DEPTOR: variants seen among roughly 807,000 people sequenced by gnomAD.
DEPTOR encodes DEP domain-containing mTOR-interacting protein.
DEPTOR carries 41 observed loss-of-function variants against 41.6 expected under a neutral mutation model. The observed-to-expected ratio is 0.98, with a 90% CI of 0.77 to 1.28. The LOEUF (loss-of-function observed/expected upper bound fraction) is 1.28, where lower values mean the gene tolerates loss of function less well. DEPTOR is among the 50% of genes most tolerant of loss of function. The pLI is 0.00. For missense variants in DEPTOR, 514 were observed against 527.9 expected (o/e 0.97, Z 0.26); for synonymous variants, 195 against 192.3 (o/e 1.01, Z -0.12).
At chr8:120,017,758 C>T (rs1464239606) in intron 8 of DEPTOR, among the ~76,000 whole-genome samples, 1 of 152,158 alleles carries the variant, frequency 6.6e-6, no homozygotes, top group African/African-American at 2.4e-5. Context: ...GATATCCTTG[C>T]TCTTTTCTGG....
chr8:119,916,266 AT>A (rs71304925), intron 1 of DEPTOR, among the ~76,000 whole-genome samples: 1,744 of 122,770 alleles, frequency 0.014, 48 homozygotes, highest in Middle Eastern at 0.033. Context: ...GGCTAGGCTA[AT>A]TTTTTTTTTT....
intron 1 of DEPTOR, among the ~76,000 whole-genome samples, chr8:119,901,757 A>G (rs541436240): frequency 7.9e-5 from 12 of 152,120 alleles, no homozygotes; most frequent in Middle Eastern, 6.8e-3. Context: ...GATGGCTCCA[A>G]TGCTTTCTGA....
intron 3 of DEPTOR, among the ~76,000 whole-genome samples, chr8:119,948,556 A>G (rs1235414035): frequency 6.6e-6 from 1 of 152,132 alleles, no homozygotes; most frequent in Non-Finnish European, 1.5e-5. Flanking sequence ...CAATTCGCCT[A>G]TTTAAAGCAT....
At chr8:120,048,823 G>A (rs1813190670) in intron 8 of DEPTOR, among the ~76,000 whole-genome samples, 1 of 152,024 alleles carries the variant, frequency 6.6e-6, no homozygotes, top group Non-Finnish European at 1.5e-5. Flanking sequence ...TACAAGTGAG[G>A]CATTTATATC....
intron 4 of DEPTOR, among the ~76,000 whole-genome samples, chr8:119,999,961 C>T (rs989206265): frequency 1.3e-5 from 2 of 152,158 alleles, no homozygotes; most frequent in African/African-American, 4.8e-5. Context: ...CTCACACACA[C>T]AAATCAGTGC....
intron 4 of DEPTOR, among the ~76,000 whole-genome samples, chr8:119,996,794 G>T (rs1812267125): frequency 6.6e-6 from 1 of 152,108 alleles, no homozygotes; most frequent in South Asian, 2.1e-4. Flanking sequence ...AAAACAGTAG[G>T]TCTTAATAAA....
At position 120,002,795 on chromosome 8, in the gene DEPTOR, T is replaced by A. The variant is rs377579029; in HGVS notation, c.791-182T>A. Among the ~76,000 whole-genome samples, 256 of 99,496 alleles carry A rather than the reference T, an allele frequency of 2.6e-3. 4 individuals carry two copies. Among genetic ancestry groups the A allele is most frequent in the African/African-American group, 7.1e-3 (174 of 24,468 alleles). The allele number at this position is 99,496 out of a possible 152,430, so 65.3% of individuals were successfully genotyped here. ...CCATCTCAAAAAAAAAAAAAAAATATATATATATATATATATAATATAAAG... is the reference window on the plus strand; with the variant it reads ...CCATCTCAAAAAAAAAAAAAAAATAAATATATATATATATATAATATAAAG... On this transcript the variant is annotated intron_variant, in intron 5 of 8. Coordinates refer to ENST00000286234, the MANE Select transcript of DEPTOR (RefSeq NM_022783.4).
At chr8:120,007,767 T>C (rs1402964457) in intron 7 of DEPTOR, among the ~76,000 whole-genome samples, 1 of 152,200 alleles carries the variant, frequency 6.6e-6, no homozygotes, top group Non-Finnish European at 1.5e-5. Flanking sequence ...ACAACATGTC[T>C]GTACCAGAGG....
At position 119,974,235 on chromosome 8, in the gene DEPTOR, TAAAAA is replaced by T. The variant is rs35885551; in HGVS notation, c.604+8849_604+8853del. On this transcript the variant is annotated intron_variant, in intron 4 of 8. Coordinates refer to ENST00000286234, the MANE Select transcript of DEPTOR (RefSeq NM_022783.4). The stretch of plus-strand genomic sequence containing the variant: ...GAAACATAGTGAGATCTTGTCTCTT[TAAAAA>T]AAAAAAAAAAAAAAAAAAAAAAAGA... Among the ~76,000 whole-genome samples, 189 of 74,906 alleles carry T rather than the reference TAAAAA, an allele frequency of 2.5e-3. 2 individuals are homozygous for T. Among genetic ancestry groups the T allele is most frequent in the African/African-American group, 8.0e-3 (172 of 21,414 alleles). The allele number at this position is 74,906 out of a possible 152,430, so 49.1% of individuals were successfully genotyped here.
chr8:119,995,350 G>T (rs989760828), intron 4 of DEPTOR, among the ~76,000 whole-genome samples: 2 of 152,126 alleles, frequency 1.3e-5, no homozygotes, highest in Non-Finnish European at 2.9e-5. Flanking sequence ...ACTTTGGGAG[G>T]CAAGGCGAGT....
At chr8:120,043,868 T>C (rs970963518) in intron 8 of DEPTOR, among the ~76,000 whole-genome samples, 4 of 151,666 alleles carry the variant, frequency 2.6e-5, no homozygotes, top group African/African-American at 9.7e-5. Context: ...AAAAATTAGC[T>C]GGGCGTGGTG....
At chr8:120,032,211 C>CTT (rs60003356) in intron 8 of DEPTOR, among the ~76,000 whole-genome samples, 223 of 120,832 alleles carry the variant, frequency 1.8e-3, no homozygotes, top group East Asian at 2.8e-3. Context: ...CACTAACTTT[C>CTT]TTTTTTTTTT....
chr8:119,997,324 T>A (rs1184044139), intron 4 of DEPTOR, among the ~76,000 whole-genome samples: 1 of 152,032 alleles, frequency 6.6e-6, no homozygotes, highest in Non-Finnish European at 1.5e-5. Context: ...AGCCTCAACC[T>A]CCTGGGATCA....
chr8:119,877,981 G>C (rs1470294302), intron 1 of DEPTOR, among the ~76,000 whole-genome samples: 1 of 152,112 alleles, frequency 6.6e-6, no homozygotes, highest in East Asian at 1.9e-4. Flanking sequence ...GCCCAGGCTG[G>C]AGTGCAATGG....
At chr8:119,923,167 T>C (rs1827917892) in intron 1 of DEPTOR, among the ~76,000 whole-genome samples, 1 of 152,198 alleles carries the variant, frequency 6.6e-6, no homozygotes, top group Non-Finnish European at 1.5e-5. Context: ...TGAGGTAATA[T>C]TATAAATTAA....
intron 3 of DEPTOR, among the ~76,000 whole-genome samples, chr8:119,962,686 CTA>C (rs1431723813): frequency 2.0e-5 from 3 of 152,142 alleles, no homozygotes. Flanking sequence ...AATTTAATAG[CTA>C]TGTGTAGACT....
intron 4 of DEPTOR, among the ~76,000 whole-genome samples, chr8:119,976,935 T>C (rs931524790): frequency 2.6e-5 from 4 of 152,222 alleles, no homozygotes; most frequent in African/African-American, 4.8e-5. Flanking sequence ...TGTTCTTTAC[T>C]GCTATTAACT....
At chr8:120,045,347 T>C (rs913963385) in intron 8 of DEPTOR, among the ~76,000 whole-genome samples, 1 of 152,172 alleles carries the variant, frequency 6.6e-6, no homozygotes, top group Admixed American at 6.6e-5. Context: ...ATGACCTTTT[T>C]CTGTTTTTCT....
intron 4 of DEPTOR, among the ~76,000 whole-genome samples, chr8:120,000,103 A>T (rs1321765576): frequency 6.6e-6 from 1 of 152,008 alleles, no homozygotes; most frequent in East Asian, 1.9e-4. Context: ...GTACCCAGGA[A>T]CTCTCTGTAC....
Sources: gnomAD v4.1 joint callset for allele counts (sites outside exome capture counted in the v4.1 genomes callset) on GRCh38, gnomAD v4.1.1 for gene constraint, MANE v1.5 for transcripts, NCBI Gene and HGNC (gene_info 2026-07-23, HGNC 2026-07-21) for gene names.